Variants in AKAP3 observed in about 807,000 individuals in gnomAD.
AKAP3 encodes the protein A-kinase anchoring protein 3, also known as A-kinase anchor protein 3.
A neutral mutation model predicts 57.2 loss-of-function variants in AKAP3; 27 were observed. The observed-to-expected ratio is 0.47, with a 90% CI of 0.35 to 0.65. The LOEUF (loss-of-function observed/expected upper bound fraction) is 0.65. Ranked by LOEUF, AKAP3 falls within the 30% of genes least tolerant of loss-of-function variation. AKAP3 has a pLI of 0.01. For synonymous variants in AKAP3, 334 were observed against 392.3 expected, an observed-to-expected ratio of 0.85 and a Z score of 1.76; for missense variants, 959 against 1,040.0, an observed-to-expected ratio of 0.92 and a Z score of 1.07.
rs768620386 is a variant in AKAP3 at position 4,628,204 on chromosome 12, T to A, written c.698A>T (p.Lys233Met). 2.5e-6 allele frequency: 4 copies of A among 1,614,160 alleles called. No homozygotes were observed. The highest frequency in any genetic ancestry group is 3.4e-6 in the Non-Finnish European group (4 of 1,180,014). ...STKERQGPDD[K>M]PPSKKSFFYK... is the part of the protein sequence containing the mutation. ...GAAGAAAGACTTCTTAGAAGGAGGCTTGTCATCTGGACCCTGTCTTTCTTT... is the reference window on the plus strand; with the variant it reads ...GAAGAAAGACTTCTTAGAAGGAGGCATGTCATCTGGACCCTGTCTTTCTTT... The change falls in exon 5 of 6, where the codon AAG becomes ATG. Residue 233 changes from lysine to methionine, a missense_variant. Coordinates refer to ENST00000228850, the MANE Select transcript of AKAP3 (RefSeq NM_001278309.2).
In AKAP3 at chr12:4,648,999, CCAACAATCTACCCGAAACCGTCG is replaced by C; in HGVS notation, c.-522_-500del. ...TTCACTTTCCCAGCTTTCTTCTTAA[CCAACAATCTACCCGAAACCGTCG>C]TTTCTTGGTTAGCGCTTGCGCAGAC... On this transcript the variant is annotated 5_prime_UTR_variant, in exon 1 of 6. Coordinates refer to ENST00000228850, the MANE Select transcript of AKAP3 (RefSeq NM_001278309.2). 9.4e-7 allele frequency: 1 copy of C among 1,063,172 alleles called. No homozygotes were observed. The highest frequency in any genetic ancestry group is 2.4e-5 in the Admixed American group (1 of 41,450). The allele number at this position is 1,063,172 out of a possible 1,614,324, so 65.9% of individuals were successfully genotyped here.
At chr12:4,648,571 C>A (rs1156811782) in intron 1 of AKAP3, 174 bp downstream of exon 1, 1 of 152,346 alleles carries the variant, frequency 6.6e-6, no homozygotes, top group Non-Finnish European at 1.5e-5. Context: ...GCGCAAGGGT[C>A]CCTATGAGAG....
intron 1 of AKAP3, among the ~76,000 whole-genome samples, chr12:4,647,263 T>C (rs1330749307): frequency 2.6e-5 from 4 of 152,158 alleles, no homozygotes; most frequent in Non-Finnish European, 5.9e-5. Context: ...AATAACCTTT[T>C]GAGGTACCAG....
At chr12:4,620,474 CAAAAAAAAAA>C (rs35307509) in intron 5 of AKAP3, among the ~76,000 whole-genome samples, 1 of 82,702 alleles carries the variant, frequency 1.2e-5, no homozygotes, top group Non-Finnish European at 2.2e-5. Flanking sequence ...GAGACTGTCT[CAAAAAAAAAA>C]AAAAAAAAAA....
Position 4,648,896 on chromosome 12 carries a change from T to TAA in AKAP3, c.-398_-397dup, listed in dbSNP as rs1394135716. On this transcript the variant is annotated 5_prime_UTR_variant, in exon 1 of 6. Transcript: ENST00000228850. ...CAGGTTCCTCGGCAATTAGAGATTA[T>TAA]AAATAGCCTATACAGCCTATTCCAG... 5.5e-6 allele frequency: 3 copies of TAA among 547,318 alleles called. No homozygotes were observed. The East Asian group carries it at 9.3e-5, about 17-fold the overall frequency. 33.9% of individuals were successfully genotyped at this position (547,318 alleles called of 1,614,324 possible).
chr12:4,649,026 C>G lies in AKAP3; in HGVS notation c.-526G>C. 1.7e-5 allele frequency: 23 copies of G among 1,379,572 alleles called. No individual in the cohort carries two copies. Among genetic ancestry groups the G allele is most frequent in the East Asian group, 2.5e-5 (1 of 39,826 alleles). The allele number at this position is 1,379,572 out of a possible 1,614,324, so 85.5% of individuals were successfully genotyped here. On this transcript the variant is annotated 5_prime_UTR_variant, in exon 1 of 6. Coordinates refer to ENST00000228850, the MANE Select transcript of AKAP3 (RefSeq NM_001278309.2). ...AACAATCTACCCGAAACCGTCGTTT[C>G]TTGGTTAGCGCTTGCGCAGACAGGC...
chr12:4,621,450 C>T (rs187425714), intron 5 of AKAP3, among the ~76,000 whole-genome samples: 11 of 152,236 alleles, frequency 7.2e-5, no homozygotes, highest in Admixed American at 7.2e-4. Flanking sequence ...TGGTAAGTGA[C>T]CTATACAGAT....
Position 4,615,790 on chromosome 12 carries a change from C to T in AKAP3, c.2511G>A (p.Val837=). Residue 837 remains valine (V), a synonymous_variant, in exon 6 of 6, where the codon GTG becomes GTA. Coordinates refer to ENST00000228850, the MANE Select transcript of AKAP3 (RefSeq NM_001278309.2). ...YEKERQLNEA[V]GNVTPLQLLD... ...GCAGCTGCAGCGGTGTGACATTCCC[C>T]ACCGCCTCATTCAGCTGGCGCTCCT... 1 of 1,614,218 alleles carries T rather than the reference C, an allele frequency of 6.2e-7. No individual in the cohort carries two copies. The highest frequency in any genetic ancestry group is 8.5e-7 in the Non-Finnish European group (1 of 1,180,030).
At chr12:4,637,135 T>G (rs1055909466) in intron 4 of AKAP3, among the ~76,000 whole-genome samples, 1 of 152,254 alleles carries the variant, frequency 6.6e-6, no homozygotes, top group African/African-American at 2.4e-5. Context: ...CTAATTTATT[T>G]TTATATCTCT....
chr12:4,623,979 C>A (rs1270843077), intron 5 of AKAP3, among the ~76,000 whole-genome samples: 1 of 134,206 alleles, frequency 7.5e-6, no homozygotes, highest in Non-Finnish European at 1.6e-5. Context: ...CTATGGAAGG[C>A]AATTTGGAAA....
chr12:4,622,914 T>C (rs1282823353), intron 5 of AKAP3, among the ~76,000 whole-genome samples: 1 of 152,044 alleles, frequency 6.6e-6, no homozygotes, highest in Non-Finnish European at 1.5e-5. Flanking sequence ...TATAAGGAAC[T>C]GAAACAAATT....
At chr12:4,624,313 TTACGTGTGTGTG>T (rs1490233527) in intron 5 of AKAP3, among the ~76,000 whole-genome samples, 1 of 112,078 alleles carries the variant, frequency 8.9e-6, no homozygotes, top group Non-Finnish European at 1.8e-5. Context: ...ATTTGTGACT[TTACGTGTGTGTG>T]TGTGTGTGTG....
rs751955492 is a variant in AKAP3, at chr12:4,628,030, C to A, written c.872G>T (p.Ser291Ile). The part of the protein sequence containing the change: ...VSEGIMTYAN[S>I]VVSDMMVSIM... ...GGAGACCATCATATCAGATACCACA[C>A]TGTTAGCATAGGTCATGATCCCTTC... The change falls in exon 5 of 6, where the codon AGT becomes ATT. Residue 291 changes from serine to isoleucine, a missense_variant. Coordinates refer to ENST00000228850, the MANE Select transcript of AKAP3 (RefSeq NM_001278309.2). 1 of 1,614,130 alleles carries A rather than the reference C, an allele frequency of 6.2e-7. No homozygotes were observed. The highest frequency in any genetic ancestry group is 1.1e-5 in the South Asian group (1 of 91,074).
chr12:4,628,078 T>G lies in AKAP3; in HGVS notation c.824A>C (p.Asp275Ala). 3.1e-6 allele frequency: 5 copies of G among 1,614,122 alleles called. No individual in the cohort carries two copies. The highest frequency in any genetic ancestry group is 2.5e-6 in the Non-Finnish European group (3 of 1,180,002). The change falls in exon 5 of 6, where the codon GAT (aspartate) becomes GCT (alanine). Residue 275 changes from aspartate to alanine, a missense_variant. By Grantham distance (126) the Asp-to-Ala change is moderately radical (BLOSUM62 -2). Transcript: ENST00000228850. Reference protein sequence around the residue: ...RKRFRGQERPDDFTASVSEGI... With the variant: ...RKRFRGQERPADFTASVSEGI... Reference sequence around the variant, plus strand: ...TTCACTAACAGAAGCCGTAAAGTCATCAGGCCTTTCCTGCCCTCGAAACCT... The same window carrying G: ...TTCACTAACAGAAGCCGTAAAGTCAGCAGGCCTTTCCTGCCCTCGAAACCT...
chr12:4,648,353 G>GAATC (rs1565562300), intron 1 of AKAP3: 1 of 152,238 alleles, frequency 6.6e-6, no homozygotes, highest in African/African-American at 2.4e-5. Context: ...GCCCACTCAT[G>GAATC]AATCACACTT....
rs867507849 is a variant in AKAP3 at position 4,621,211 on chromosome 12, G to C, written c.2406+5285C>G. Among the ~76,000 whole-genome samples, 11 of 49,258 alleles carry C rather than the reference G, an allele frequency of 2.2e-4. No homozygotes were observed. The Middle Eastern group carries it at 0.023, about 105-fold the overall frequency. The allele number at this position is 49,258 out of a possible 152,430, so 32.3% of individuals were successfully genotyped here. ...CGTGTTTTAAGCTGTTATTACAAAA[G>C]AGCCAAAAAGTTAAAAAAAATCAAA... On this transcript the variant is annotated intron_variant, in intron 5 of 5. Transcript: ENST00000228850.
intron 4 of AKAP3, chr12:4,636,104 G>T: frequency 9.1e-7 from 1 of 1,095,652 alleles, no homozygotes; most frequent in Non-Finnish European, 1.4e-6. Context: ...ATATTGAACT[G>T]GCATATTTTA....
At chr12:4,633,145 C>G (rs1259211125) in intron 4 of AKAP3, among the ~76,000 whole-genome samples, 1 of 150,726 alleles carries the variant, frequency 6.6e-6, no homozygotes, top group East Asian at 1.9e-4. Flanking sequence ...AAACCCAAAC[C>G]TGTTGGGTGC....
intron 4 of AKAP3, among the ~76,000 whole-genome samples, chr12:4,630,422 C>T (rs1019784530): frequency 3.3e-5 from 5 of 152,034 alleles, no homozygotes; most frequent in African/African-American, 4.8e-5. Context: ...AAAATCTGGG[C>T]GCTCCACGTC....
Sources: allele counts gnomAD v4.1 joint callset (sites outside exome capture counted in the v4.1 genomes callset), GRCh38; gene constraint gnomAD v4.1.1; transcripts MANE v1.5; gene names NCBI Gene and HGNC (gene_info 2026-07-23, HGNC 2026-07-21).